SLC6A6: variants seen among roughly 807,000 people sequenced by gnomAD.
The protein encoded by SLC6A6 is solute carrier family 6 member 6, also known as sodium- and chloride-dependent taurine transporter.
In SLC6A6, 16 loss-of-function variants were observed where a neutral mutation model predicts 68.8. The observed-to-expected ratio is 0.23, with a 90% CI of 0.16 to 0.35. SLC6A6 has a LOEUF of 0.35. Ranked by LOEUF, SLC6A6 falls within the 10% of genes least tolerant of loss-of-function variation. SLC6A6 has a pLI of 1.00. For synonymous variants in SLC6A6, 312 were observed against 315.4 expected, an observed-to-expected ratio of 0.99 and a Z score of 0.12; for missense variants, 474 against 802.8, an observed-to-expected ratio of 0.59 and a Z score of 4.95.
chr3:14,472,082 A>C lies in SLC6A6; in HGVS notation c.1097-123A>C. 1.6e-6 allele frequency: 1 copy of C among 644,358 alleles called. No homozygotes were observed. The allele number at this position is 644,358 out of a possible 1,614,324, so 39.9% of individuals were successfully genotyped here. ...GGCCTGGTCTCTTTCCCCAGGCCAGAGTTCAGACCTGGCTCCCTGCTGTAT... is the reference window on the plus strand; with the variant it reads ...GGCCTGGTCTCTTTCCCCAGGCCAGCGTTCAGACCTGGCTCCCTGCTGTAT... On this transcript the variant is annotated intron_variant, in intron 9 of 14. Coordinates refer to ENST00000622186, the MANE Select transcript of SLC6A6 (RefSeq NM_003043.6). This position sits in a 1 kb window ranked among gnomAD's most constrained non-coding sequence, Gnocchi z 4.5.
At position 14,402,768 on chromosome 3, in the gene SLC6A6, G is replaced by C. The variant is rs1699012720; in HGVS notation, c.-133G>C. 2.5e-6 allele frequency: 1 copy of C among 398,204 alleles called. No individual in the cohort carries two copies. The highest frequency in any genetic ancestry group is 4.4e-6 in the Non-Finnish European group (1 of 225,776). 24.7% of individuals were successfully genotyped at this position (398,204 alleles called of 1,614,324 possible). A position where few individuals can be genotyped will look rare whatever the true frequency, so the allele number is the denominator to read the frequency against. The stretch of plus-strand genomic sequence containing the variant: ...CGGAGCGTTCACCCAGCGGGTCAGA[G>C]AGCGAGCGGGCAGGCAGCCCCCGGC... On this transcript the variant is annotated 5_prime_UTR_variant, in exon 1 of 15. Transcript: ENST00000622186. This position sits in a 1 kb window ranked among gnomAD's most constrained non-coding sequence, Gnocchi z 4.8.
At chr3:14,440,698 C>T (rs903341007) in intron 2 of SLC6A6, among the ~76,000 whole-genome samples, 20 of 152,092 alleles carry the variant, frequency 1.3e-4, no homozygotes, top group Non-Finnish European at 2.5e-4. Flanking sequence ...GCCTGTAGCT[C>T]GTGGTTGCCA....
chr3:14,455,701 G>A (rs529216023), intron 5 of SLC6A6, among the ~76,000 whole-genome samples: 1 of 152,366 alleles, frequency 6.6e-6, no homozygotes, highest in African/African-American at 2.4e-5. Context: ...TCACAAGGAA[G>A]TCTTGGGCCA....
chr3:14,456,562 TA>T (rs902415198), intron 5 of SLC6A6, among the ~76,000 whole-genome samples: 1 of 152,038 alleles, frequency 6.6e-6, no homozygotes, highest in Admixed American at 6.5e-5. Context: ...GAAGCTTCTC[TA>T]AAAAAAATAA....
At chr3:14,462,182 A>G (rs1443640049) in intron 6 of SLC6A6, among the ~76,000 whole-genome samples, 2 of 152,214 alleles carry the variant, frequency 1.3e-5, no homozygotes, top group Non-Finnish European at 2.9e-5. Context: ...AGAAAAGTTG[A>G]AAGCATGGCT....
intron 2 of SLC6A6, among the ~76,000 whole-genome samples, chr3:14,427,326 G>A (rs181400746): frequency 4.6e-5 from 7 of 152,204 alleles, no homozygotes; most frequent in Non-Finnish European, 8.8e-5. Context: ...TGGTGGGATC[G>A]CCATCCACCC....
intron 14 of SLC6A6, among the ~76,000 whole-genome samples, chr3:14,483,245 C>CT (rs1169354040): frequency 1.3e-5 from 2 of 152,132 alleles, no homozygotes; most frequent in African/African-American, 4.8e-5. Context: ...ACTGGTACCC[C>CT]GTCCTCCTGT....
chr3:14,410,176 CAAA>C (rs145587348), intron 1 of SLC6A6, among the ~76,000 whole-genome samples: 11,260 of 60,252 alleles, frequency 0.19, 458 homozygotes, highest in African/African-American at 0.22. Context: ...GACTCCATCT[CAAA>C]AAAAAAAAAA....
Position 14,472,549 on chromosome 3 carries a change from G to A in SLC6A6, c.1209+232G>A, listed in dbSNP as rs1003445108. 5.9e-5 allele frequency among the ~76,000 whole-genome samples: 9 copies of A among 152,316 alleles called. No homozygotes were observed. The South Asian group carries it at 6.2e-4, about 11-fold the overall frequency. On this transcript the variant is annotated intron_variant, in intron 10 of 14. Transcript: ENST00000622186. The surrounding 1 kb of genome is among the most constrained non-coding windows in gnomAD (Gnocchi z 4.5). ...TAGCCTAATGGAGTGCAAACAAGAC[G>A]TGGCATGGCACATTATCTGCTAGCA...
intron 5 of SLC6A6, among the ~76,000 whole-genome samples, chr3:14,453,078 G>T (rs548047278): frequency 6.6e-5 from 10 of 152,248 alleles, no homozygotes; most frequent in African/African-American, 2.2e-4. Flanking sequence ...GCACGGCCCC[G>T]TGCTCTGGGC....
chr3:14,443,058 C>T (rs1487321154), intron 2 of SLC6A6, among the ~76,000 whole-genome samples: 2 of 152,220 alleles, frequency 1.3e-5, no homozygotes, highest in African/African-American at 4.8e-5. Context: ...CAGCCTGAAA[C>T]CCCATTCCTC....
At chr3:14,425,730 G>A (rs974717433) in intron 2 of SLC6A6, among the ~76,000 whole-genome samples, 12 of 152,070 alleles carry the variant, frequency 7.9e-5, no homozygotes, top group African/African-American at 2.4e-5. Flanking sequence ...GAGGGTGGAA[G>A]GCAACAATTG....
At chr3:14,435,646 C>T (rs1574928743) in intron 2 of SLC6A6, among the ~76,000 whole-genome samples, 1 of 152,232 alleles carries the variant, frequency 6.6e-6, no homozygotes, top group Non-Finnish European at 1.5e-5. Flanking sequence ...CGAGCCCATT[C>T]TTCCCTTTGC....
intron 1 of SLC6A6, among the ~76,000 whole-genome samples, chr3:14,403,102 GTGTGTGTGTGT>G: frequency 6.6e-6 from 1 of 151,786 alleles, no homozygotes. Context: ...GTGTGTGTGT[GTGTGTGTGTGT>G]GTGTGTGTGT....
chr3:14,435,258 T>C (rs1699825352), intron 2 of SLC6A6, among the ~76,000 whole-genome samples: 1 of 152,098 alleles, frequency 6.6e-6, no homozygotes, highest in African/African-American at 2.4e-5. Flanking sequence ...TCCTGATCTG[T>C]GAAAGGCAAG....
chr3:14,474,428 G>A (rs185932010), intron 10 of SLC6A6, among the ~76,000 whole-genome samples: 2 of 152,290 alleles, frequency 1.3e-5, no homozygotes, highest in Non-Finnish European at 2.9e-5. Flanking sequence ...AGTGGCATTA[G>A]TACCTTCAGA....
chr3:14,466,403 C>A, intron 6 of SLC6A6, 113 bp from the exon 7 acceptor site: 1 of 1,244,126 alleles, frequency 8.0e-7, no homozygotes, highest in Non-Finnish European at 1.1e-6. Context: ...GCAAACCTGG[C>A]TCCAGAACTC....
At chr3:14,463,799 C>T (rs1700551435) in intron 6 of SLC6A6, among the ~76,000 whole-genome samples, 1 of 152,174 alleles carries the variant, frequency 6.6e-6, no homozygotes, top group African/African-American at 2.4e-5. Flanking sequence ...GAAACTGAGG[C>T]CTGGAGGAAC....
chr3:14,428,091 G>A (rs1235382975), intron 2 of SLC6A6, among the ~76,000 whole-genome samples: 2 of 152,166 alleles, frequency 1.3e-5, no homozygotes, highest in Non-Finnish European at 2.9e-5. Context: ...CACCAACACA[G>A]GGGACCCACA....
Sources: allele counts gnomAD v4.1 joint callset (sites outside exome capture counted in the v4.1 genomes callset), GRCh38; gene constraint gnomAD v4.1.1; non-coding constraint Gnocchi (gnomAD v3.1); transcripts MANE v1.5; gene names NCBI Gene and HGNC (gene_info 2026-07-23, HGNC 2026-07-21).